CFAP54: variants seen among roughly 807,000 people sequenced by gnomAD.
CFAP54 encodes the protein cilia- and flagella-associated protein 54.
CFAP54 carries 290 observed loss-of-function variants against 370.4 expected under a neutral mutation model. The ratio of observed to expected loss-of-function variants is 0.78; its 90% CI spans 0.71 to 0.86. The LOEUF (loss-of-function observed/expected upper bound fraction) is 0.86, where lower values mean the gene tolerates loss of function less well. Ranked by LOEUF, CFAP54 falls within the 40% of genes least tolerant of loss-of-function variation. CFAP54 has a pLI of 0.00. For synonymous variants in CFAP54, 1,206 were observed against 1,236.5 expected (o/e 0.98, Z 0.52); for missense variants, 3,399 against 3,528.7 (o/e 0.96, Z 0.93).
At chr12:96,684,987 G>T in intron 41 of CFAP54, 42 bp from the exon 42 acceptor site, 2 of 1,580,632 alleles carry the variant, frequency 1.3e-6, no homozygotes, top group Non-Finnish European at 1.7e-6. Context: ...TTAATAATGG[G>T]TCTCAGAAAA....
At chr12:96,751,009 A>T (rs1288415612) in intron 55 of CFAP54, among the ~76,000 whole-genome samples, 2 of 152,158 alleles carry the variant, frequency 1.3e-5, no homozygotes, top group Non-Finnish European at 2.9e-5. Flanking sequence ...ACACAAATGG[A>T]CTACTTAAAA....
intron 50 of CFAP54, among the ~76,000 whole-genome samples, chr12:96,721,619 A>C (rs1957754680): frequency 6.6e-6 from 1 of 152,214 alleles, no homozygotes; most frequent in African/African-American, 2.4e-5. Flanking sequence ...GACACATTCA[A>C]TAGTGATTCA....
chr12:96,651,878 G>T, intron 36 of CFAP54, 63 bp downstream of exon 36: 4 of 998,524 alleles, frequency 4.0e-6, no homozygotes, highest in South Asian at 3.4e-5. Flanking sequence ...TGTGCATCTT[G>T]GTATAAGTAG....
intron 26 of CFAP54, among the ~76,000 whole-genome samples, chr12:96,611,559 G>A (rs923880647): frequency 1.4e-4 from 21 of 152,232 alleles, no homozygotes; most frequent in African/African-American, 5.1e-4. Flanking sequence ...CGAGTTGAGA[G>A]AAGAAGGCTT....
chr12:96,771,286 A>G (rs1271454402), intron 60 of CFAP54, among the ~76,000 whole-genome samples: 1 of 152,210 alleles, frequency 6.6e-6, no homozygotes, highest in Non-Finnish European at 1.5e-5. Flanking sequence ...GCTTGTCCAC[A>G]AACTGGGGAC....
chr12:96,764,155 C>A lies in CFAP54; in HGVS notation c.8045C>A (p.Pro2682His), dbSNP rs12581184. The A allele has an allele frequency of 7.4e-3, 11,933 of 1,607,134 alleles. 557 individuals carry two copies. In the East Asian group the frequency reaches 0.11, roughly 15 times the overall value. Residue 2682 changes from proline to histidine, a missense_variant, in exon 59 of 68, where the codon CCT (proline) becomes CAT (histidine). Pro to His is a moderately conservative substitution (Grantham distance 77). This residue lies in a region of CFAP54 where 2,796 missense variants were observed against 2,869.7 expected (regional missense o/e 0.97). Transcript: ENST00000524981. Reference sequence around the variant, plus strand: ...ACACATTTGCCATATTTTTAGCCTCCTCTCAGAAGAAGTAGTTCTGTTAAA... The same window carrying A: ...ACACATTTGCCATATTTTTAGCCTCATCTCAGAAGAAGTAGTTCTGTTAAA... Reference protein sequence around the residue: ...ISGSPLTLKPPLRRSSSVKET... With the variant: ...ISGSPLTLKPHLRRSSSVKET...
chr12:96,589,055 C>A (rs1046566217), intron 22 of CFAP54, among the ~76,000 whole-genome samples: 3 of 152,128 alleles, frequency 2.0e-5, no homozygotes, highest in Non-Finnish European at 2.9e-5. Context: ...TCTCTTGGAA[C>A]AGATTGTTCA....
At chr12:96,645,195 G>T (rs1183933569) in intron 33 of CFAP54, 1 of 456,228 alleles carries the variant, frequency 2.2e-6, no homozygotes, top group African/African-American at 2.0e-5. Flanking sequence ...TTGGCTAAGT[G>T]CTGTGAGAGA....
At chr12:96,521,016 G>A (rs1311584122) in intron 6 of CFAP54, among the ~76,000 whole-genome samples, 1 of 152,192 alleles carries the variant, frequency 6.6e-6, no homozygotes. Context: ...GTTAACTTCA[G>A]TGTACTAGTG....
intron 45 of CFAP54, among the ~76,000 whole-genome samples, chr12:96,699,503 A>G (rs1225080635): frequency 1.3e-5 from 2 of 152,184 alleles, no homozygotes; most frequent in African/African-American, 2.4e-5. Context: ...GTTAAAAATA[A>G]AAGAAAATTA....
intron 60 of CFAP54, among the ~76,000 whole-genome samples, chr12:96,766,430 T>C (rs1958402390): frequency 6.6e-6 from 1 of 152,152 alleles, no homozygotes; most frequent in South Asian, 2.1e-4. Flanking sequence ...ACAGGGCAGT[T>C]CGGCAGCCCA....
At chr12:96,778,550 C>T (rs1958548231) in intron 60 of CFAP54, among the ~76,000 whole-genome samples, 1 of 152,194 alleles carries the variant, frequency 6.6e-6, no homozygotes, top group Non-Finnish European at 1.5e-5. Flanking sequence ...TCACCTGTCT[C>T]CTTCTCTATA....
At chr12:96,787,371 G>GTTTTTATT (rs1958639754) in intron 62 of CFAP54, among the ~76,000 whole-genome samples, 1 of 152,156 alleles carries the variant, frequency 6.6e-6, no homozygotes, top group African/African-American at 2.4e-5. Flanking sequence ...AATTAAAAGT[G>GTTTTTATT]TGAAGACTTT....
intron 65 of CFAP54, among the ~76,000 whole-genome samples, chr12:96,826,857 A>C (rs1285120823): frequency 8.5e-6 from 1 of 117,624 alleles, no homozygotes; most frequent in East Asian, 2.4e-4. Context: ...TATATAATAT[A>C]TTATATAATA....
intron 55 of CFAP54, among the ~76,000 whole-genome samples, chr12:96,746,649 TA>T (rs1280945531): frequency 6.6e-6 from 1 of 152,200 alleles, no homozygotes; most frequent in Non-Finnish European, 1.5e-5. Flanking sequence ...TGTTCTGGCT[TA>T]AAAGGCTTCT....
chr12:96,844,830 T>C (rs1647038082), intron 66 of CFAP54, among the ~76,000 whole-genome samples: 1 of 152,140 alleles, frequency 6.6e-6, no homozygotes, highest in African/African-American at 2.4e-5. Flanking sequence ...TCCAAGGTTC[T>C]GTATGAAACG....
At chr12:96,608,299 A>ATG (rs1491190899) in intron 26 of CFAP54, among the ~76,000 whole-genome samples, 3,848 of 37,788 alleles carry the variant, frequency 0.1, 95 homozygotes, top group African/African-American at 0.24. Context: ...TTATATATGC[A>ATG]TATATATATA....
In CFAP54 at chr12:96,621,631, T is replaced by A. The variant is rs1358272179; in HGVS notation, c.3681T>A (p.Ile1227=). ...GGGAATATGACCTGGCAGTAATGAT[T>A]ATAAATTATGGGAAAAAAATGTTGG... ...SWREYDLAVM[I]INYGKKMLDI... The change falls in exon 27 of 68, where the codon ATT becomes ATA. Residue 1227 remains isoleucine (I), a synonymous_variant. Coordinates refer to ENST00000524981, the MANE Select transcript of CFAP54 (RefSeq NM_001306084.2). 9.2e-6 allele frequency: 14 copies of A among 1,516,140 alleles called. No individual in the cohort carries two copies. Among genetic ancestry groups the A allele is most frequent in the Non-Finnish European group, 1.2e-5 (14 of 1,131,674 alleles). The allele number at this position is 1,516,140 out of a possible 1,614,324, so 93.9% of individuals were successfully genotyped here.
chr12:96,650,424 G>A (rs1592687176), intron 35 of CFAP54, among the ~76,000 whole-genome samples: 1 of 152,082 alleles, frequency 6.6e-6, no homozygotes, highest in South Asian at 2.1e-4. Context: ...TCCTCTATGG[G>A]GACTTGATCT....
Sources: allele counts gnomAD v4.1 joint callset (sites outside exome capture counted in the v4.1 genomes callset), GRCh38; gene constraint gnomAD v4.1.1; regional missense constraint gnomAD v4.1.1; transcripts MANE v1.5; gene names NCBI Gene and HGNC (gene_info 2026-07-23, HGNC 2026-07-21).